The following ABCA1 variants were observed in gnomAD, a reference collection of about 807,000 sequenced individuals.
The protein encoded by ABCA1 is phospholipid-transporting ATPase ABCA1.
ABCA1 carries 133 observed loss-of-function variants against 262.5 expected under a neutral mutation model. The observed-to-expected ratio is 0.51, with a 90% CI of 0.44 to 0.59. The LOEUF is 0.59. Ranked by LOEUF, ABCA1 falls within the 20% of genes least tolerant of loss-of-function variation. ABCA1 has a pLI of 0.00. For synonymous variants in ABCA1, 1,022 were observed against 1,043.5 expected (o/e 0.98, Z 0.40); for missense variants, 2,452 against 2,777.5 (o/e 0.88, Z 2.63).
At chr9:104,856,036 C>A in intron 7 of ABCA1, 3 of 1,612,434 alleles carry the variant, frequency 1.9e-6, no homozygotes, top group Non-Finnish European at 2.5e-6. Context: ...TACTGCTGCA[C>A]TTCTTGGCAC....
At chr9:104,881,873 T>C (rs1768258265) in intron 5 of ABCA1, among the ~76,000 whole-genome samples, 1 of 151,796 alleles carries the variant, frequency 6.6e-6, no homozygotes, top group African/African-American at 2.4e-5. Flanking sequence ...AGGAGTTGTC[T>C]AAGTGGACAC....
chr9:104,812,788 C>T, intron 27 of ABCA1, 66 bp from the exon 28 acceptor site: 2 of 1,593,258 alleles, frequency 1.3e-6, no homozygotes, highest in Non-Finnish European at 1.7e-6. Context: ...CATGCTCCTT[C>T]TTCTGGTGTC....
intron 5 of ABCA1, among the ~76,000 whole-genome samples, chr9:104,877,194 T>C (rs1009400464): frequency 6.6e-6 from 1 of 152,220 alleles, no homozygotes; most frequent in African/African-American, 2.4e-5. Context: ...ATCATTATTA[T>C]TCGTAGGCTC....
chr9:104,880,940 G>A (rs558224743), intron 5 of ABCA1, among the ~76,000 whole-genome samples: 11 of 152,216 alleles, frequency 7.2e-5, no homozygotes, highest in African/African-American at 2.6e-4. Context: ...CACGAGGTTA[G>A]GAGATCGAGA....
In ABCA1 at chr9:104,903,729, A is replaced by G; in HGVS notation, c.-50T>C. On this transcript the variant is annotated 5_prime_UTR_variant, in exon 2 of 50. Coordinates refer to ENST00000374736, the MANE Select transcript of ABCA1 (RefSeq NM_005502.4). ...GTGTGGCTCGGGAGCCCTGGAAGGC[A>G]GCGGCCAGAGCTCACAGCAGGGACG... 1 of 1,534,204 alleles carries G rather than the reference A, an allele frequency of 6.5e-7. No homozygotes were observed. The highest frequency in any genetic ancestry group is 8.8e-7 in the Non-Finnish European group (1 of 1,130,320).
intron 24 of ABCA1, among the ~76,000 whole-genome samples, chr9:104,816,802 A>C (rs909407800): frequency 4.6e-5 from 7 of 152,126 alleles, no homozygotes; most frequent in Admixed American, 1.3e-4. Flanking sequence ...TCATTTACCT[A>C]AATAAAGGGT....
chr9:104,800,024 C>A lies in ABCA1; in HGVS notation c.4774-36G>T, dbSNP rs755691619. ...ACATACCAGGTACAAGGTAATGCCC[C>A]CAAACCGGGCTCCTGCAGGCAGGTG... On this transcript the variant is annotated intron_variant, in intron 35 of 49. Transcript: ENST00000374736. 10 of 1,613,276 alleles carry A rather than the reference C, an allele frequency of 6.2e-6. No individual in the cohort carries two copies. In the East Asian group the frequency reaches 2.2e-4, roughly 36 times the overall value.
In ABCA1 at chr9:104,804,721, C is replaced by G. The variant is rs1432541388; in HGVS notation, c.4465-1G>C. On this transcript the variant is annotated splice_acceptor_variant, in intron 31 of 49. Transcript: ENST00000374736. LOFTEE classifies it high-confidence loss of function. ...GGATATCTGCAGTGTTTTGTTTTCT[C>G]TGTCATCACATGAAAACCAAGCATA... 4 of 1,612,936 alleles carry G rather than the reference C, an allele frequency of 2.5e-6. No individual in the cohort carries two copies. The highest frequency in any genetic ancestry group is 3.4e-6 in the Non-Finnish European group (4 of 1,178,898).
intron 38 of ABCA1, 53 bp downstream of exon 38, chr9:104,796,255 TG>T: frequency 6.2e-7 from 1 of 1,613,928 alleles, no homozygotes. Flanking sequence ...CTTCTGACAC[TG>T]GGCACCAAAT....
chr9:104,814,792 T>C (rs181622134), intron 25 of ABCA1, among the ~76,000 whole-genome samples: 9 of 152,268 alleles, frequency 5.9e-5, no homozygotes, highest in Non-Finnish European at 4.4e-5. Flanking sequence ...GGTCTGGAGC[T>C]CGAGACCAGC....
At position 104,884,435 on chromosome 9, in the gene ABCA1, G is replaced by C; in HGVS notation, c.294C>G (p.Asn98Lys). The C allele has an allele frequency of 6.2e-7, 1 of 1,614,230 alleles. No homozygotes were observed. Among genetic ancestry groups the C allele is most frequent in the Non-Finnish European group, 8.5e-7 (1 of 1,180,030 alleles). Residue 98 changes from asparagine to lysine, a missense_variant, in exon 4 of 50, where the codon AAC becomes AAG. Asn to Lys is a moderately conservative substitution (Grantham distance 94). Coordinates refer to ENST00000374736, the MANE Select transcript of ABCA1 (RefSeq NM_005502.4). ...GEAPGVVGNFNKSIVARLFSD... is the reference protein window; with the variant it reads ...GEAPGVVGNFKKSIVARLFSD... ...CCTGATCTGATACTTACATGGATTTGTTAAAGTTTCCAACAACTCCGGGAG... is the reference window on the plus strand; with the variant it reads ...CCTGATCTGATACTTACATGGATTTCTTAAAGTTTCCAACAACTCCGGGAG...
intron 1 of ABCA1, among the ~76,000 whole-genome samples, chr9:104,924,810 G>A (rs1472141963): frequency 6.6e-6 from 1 of 151,974 alleles, no homozygotes; most frequent in Non-Finnish European, 1.5e-5. Context: ...TATAGCTTAA[G>A]TATCCCGGCT....
intron 39 of ABCA1, among the ~76,000 whole-genome samples, chr9:104,795,705 A>C (rs1270773167): frequency 2.0e-5 from 3 of 152,230 alleles, no homozygotes; most frequent in African/African-American, 4.8e-5. Context: ...GATGACAATA[A>C]AAACACCAAG....
chr9:104,855,651 A>G (rs879480410), intron 7 of ABCA1: 21 of 1,460,728 alleles, frequency 1.4e-5, no homozygotes, highest in African/African-American at 4.3e-5. Flanking sequence ...TAATCACAAC[A>G]AAGAGTCAAA....
At chr9:104,846,523 T>C (rs1834905138) in intron 7 of ABCA1, among the ~76,000 whole-genome samples, 1 of 152,140 alleles carries the variant, frequency 6.6e-6, no homozygotes, top group African/African-American at 2.4e-5. Flanking sequence ...CACAAGAAAA[T>C]GTCTAGAAGT....
In ABCA1 at chr9:104,812,697, A is replaced by G; in HGVS notation, c.3927T>C (p.Ser1309=). Residue 1309 remains serine (S), a synonymous_variant, in exon 28 of 50, where the codon AGT becomes AGC. Coordinates refer to ENST00000374736, the MANE Select transcript of ABCA1 (RefSeq NM_005502.4). ...GGTAGGACCCTTTGCCATCCATCCCACTGAGCAAGTCTGTCTCTCTGGATT... is the reference window on the plus strand; with the variant it reads ...GGTAGGACCCTTTGCCATCCATCCCGCTGAGCAAGTCTGTCTCTCTGGATT... ...DPESRETDLL[S]GMDGKGSYQV... is the part of the protein sequence containing the mutation. 6.2e-7 allele frequency: 1 copy of G among 1,614,126 alleles called. No homozygotes were observed. Among genetic ancestry groups the G allele is most frequent in the Non-Finnish European group, 8.5e-7 (1 of 1,180,014 alleles).
In ABCA1 at chr9:104,782,551, A is replaced by T. The variant is rs1211593597; in HGVS notation, c.*1764T>A. Reference sequence around the variant, plus strand: ...TATTAGTGAAACAGTATTTTTACAAATGTTTACTGACTAGAAAAATAAGAC... The same window carrying T: ...TATTAGTGAAACAGTATTTTTACAATTGTTTACTGACTAGAAAAATAAGAC... On this transcript the variant is annotated 3_prime_UTR_variant, in exon 50 of 50. Coordinates refer to ENST00000374736, the MANE Select transcript of ABCA1 (RefSeq NM_005502.4). 1 of 152,174 alleles carries T rather than the reference A, an allele frequency of 6.6e-6. No homozygotes were observed. The highest frequency in any genetic ancestry group is 2.4e-5 in the African/African-American group (1 of 41,452). The allele number at this position is 152,174 out of a possible 1,614,324, so 9.4% of individuals were successfully genotyped here. A position where few individuals can be genotyped will look rare whatever the true frequency, so the allele number is the denominator to read the frequency against.
At chr9:104,806,552 A>G in intron 30 of ABCA1, 122 bp from the exon 31 acceptor site, 1 of 957,374 alleles carries the variant, frequency 1.0e-6, no homozygotes, top group South Asian at 1.4e-5. Context: ...ACCATTTGGA[A>G]AAGACAAGCA....
In ABCA1 at chr9:104,782,226, C is replaced by A. The variant is rs146353431; in HGVS notation, c.*2089G>T. 6.6e-6 allele frequency: 1 copy of A among 151,938 alleles called. No homozygotes were observed. Among genetic ancestry groups the A allele is most frequent in the Admixed American group, 6.6e-5 (1 of 15,264 alleles). 9.4% of individuals were successfully genotyped at this position (151,938 alleles called of 1,614,324 possible). A position where few individuals can be genotyped will look rare whatever the true frequency, so the allele number is the denominator to read the frequency against. ...TTTTTGAAGATACTGTAAAATGCAA[C>A]GATGCCATATCACTAGTTATTGGAA... On this transcript the variant is annotated 3_prime_UTR_variant, in exon 50 of 50. Coordinates refer to ENST00000374736, the MANE Select transcript of ABCA1 (RefSeq NM_005502.4).
Sources: allele counts gnomAD v4.1 joint callset (sites outside exome capture counted in the v4.1 genomes callset), GRCh38; gene constraint gnomAD v4.1.1; transcripts MANE v1.5; gene names NCBI Gene and HGNC (gene_info 2026-07-23, HGNC 2026-07-21).